The following ABCB1 variants were observed in gnomAD, a reference collection of about 807,000 sequenced individuals.
ABCB1 encodes the protein ATP binding cassette subfamily B member 1, also known as ATP-dependent translocase ABCB1.
In ABCB1, 69 loss-of-function variants were observed where a neutral mutation model predicts 142.0. The ratio of observed to expected loss-of-function variants is 0.49; its 90% CI spans 0.40 to 0.59. The LOEUF is 0.59. ABCB1 is among the 20% of genes least tolerant of loss of function. The probability of loss-of-function intolerance (pLI) is 0.00; values close to 1 mark genes in which losing one functional copy is unlikely to be tolerated. For synonymous variants in ABCB1, 532 were observed against 539.2 expected, an observed-to-expected ratio of 0.99 and a Z score of 0.18; for missense variants, 1,326 against 1,554.7, an observed-to-expected ratio of 0.85 and a Z score of 2.47.
chr7:87,669,606 G>T (rs1169266600), intron 1 of ABCB1, among the ~76,000 whole-genome samples: 1 of 152,180 alleles, frequency 6.6e-6, no homozygotes, highest in African/African-American at 2.4e-5. Context: ...GTATTAGCTG[G>T]TATTGGTCTT....
intron 1 of ABCB1, among the ~76,000 whole-genome samples, chr7:87,679,087 C>CTTT (rs35353390): frequency 1.6e-5 from 1 of 60,744 alleles, no homozygotes; most frequent in African/African-American, 7.2e-5. Context: ...AACACCCCAA[C>CTTT]TTTTTTTTTT....
chr7:87,605,531 C>G (rs1819620133), upstream of ABCB1, among the ~76,000 whole-genome samples: 1 of 152,034 alleles, frequency 6.6e-6, no homozygotes, highest in Non-Finnish European at 1.5e-5. Context: ...CATAATAGCA[C>G]AAGAAATGTT....
At position 87,544,882 on chromosome 7, in the gene ABCB1, G is replaced by A. The variant is rs35023033; in HGVS notation, c.2005C>T (p.Arg669Cys). 732 of 1,614,042 alleles carry A rather than the reference G, an allele frequency of 4.5e-4. 1 individual carries two copies. The African/African-American group carries it at 8.3e-3, about 18-fold the overall frequency. Residue 669 changes from arginine (R) to cysteine (C), a missense_variant, in exon 16 of 28, where the codon CGT becomes TGT. By Grantham distance (180) the Arg-to-Cys change is radical (BLOSUM62 -3). Transcript: ENST00000622132. Reference protein sequence around the residue: ...RSSLIRKRSTRRSVRGSQAQD... With the variant: ...RSSLIRKRSTCRSVRGSQAQD... ...GCTTGTGATCCACGGACACTCCTAC[G>A]AGTTGATCTTTTTCTTATTAGACTG... is the stretch of plus-strand genomic sequence containing the variant.
At chr7:87,606,700 T>C (rs985041816) in intron 1 of ABCB1, among the ~76,000 whole-genome samples, 2 of 152,126 alleles carry the variant, frequency 1.3e-5, no homozygotes, top group African/African-American at 4.8e-5. Flanking sequence ...ATTGGTGTAA[T>C]ATTAGAGATA....
intron 1 of ABCB1, among the ~76,000 whole-genome samples, chr7:87,634,627 CAAAAAAAAAAG>C (rs1445393682): frequency 8.4e-6 from 1 of 118,820 alleles, no homozygotes; most frequent in African/African-American, 3.2e-5. Context: ...ACTCTTGTCT[CAAAAAAAAAAG>C]AAAAAAAAAA....
rs28364271 is a variant in ABCB1, at chr7:87,504,601, T to C, written c.3637-152A>G. The C allele has an allele frequency of 6.1e-3, 6,186 of 1,013,344 alleles. 26 individuals carry two copies. Among genetic ancestry groups the C allele is most frequent in the Non-Finnish European group, 7.5e-3 (5,051 of 671,662 alleles). 62.8% of individuals were successfully genotyped at this position (1,013,344 alleles called of 1,614,324 possible). A position where few individuals can be genotyped will look rare whatever the true frequency, so the allele number is the denominator to read the frequency against. On this transcript the variant is annotated intron_variant, in intron 27 of 27. Coordinates refer to ENST00000622132, the MANE Select transcript of ABCB1 (RefSeq NM_001348946.2). Reference sequence around the variant, plus strand: ...AGGCGGGCAGATCACAAGGTCAGATTGAGACCATCCTGGCTAACACGGTGA... The same window carrying C: ...AGGCGGGCAGATCACAAGGTCAGATCGAGACCATCCTGGCTAACACGGTGA...
chr7:87,519,444 T>G lies in ABCB1; in HGVS notation c.2809A>C (p.Ile937Leu), dbSNP rs200811596. 1.2e-6 allele frequency: 2 copies of G among 1,614,076 alleles called. No individual in the cohort carries two copies. Among genetic ancestry groups the G allele is most frequent in the Admixed American group, 3.3e-5 (2 of 60,024 alleles). The change falls in exon 23 of 28, where the codon ATC (isoleucine) becomes CTC (leucine). Residue 937 changes from isoleucine (I) to leucine (L), a missense_variant. Ile to Leu is a conservative substitution (Grantham distance 5). Transcript: ENST00000622132. The part of the protein sequence containing the change: ...PYRNSLRKAH[I>L]FGITFSFTQA... ...GTGAAGGAAAATGTAATTCCAAAGA[T>G]GTGTGCTTTCCTCAAAGAGTTTCTG...
chr7:87,532,117 A>G (rs1816082954), intron 20 of ABCB1, among the ~76,000 whole-genome samples: 1 of 152,186 alleles, frequency 6.6e-6, no homozygotes, highest in Admixed American at 6.6e-5. Context: ...CCACCACTGT[A>G]TAATGTCCAA....
intron 1 of ABCB1, among the ~76,000 whole-genome samples, chr7:87,646,377 G>A (rs975591368): frequency 1.3e-5 from 2 of 152,120 alleles, no homozygotes; most frequent in Non-Finnish European, 2.9e-5. Flanking sequence ...TTATCAGACT[G>A]TTAAAGGTGG....
At chr7:87,647,421 G>C (rs140693100) in intron 1 of ABCB1, among the ~76,000 whole-genome samples, 1 of 152,204 alleles carries the variant, frequency 6.6e-6, no homozygotes, top group East Asian at 1.9e-4. Flanking sequence ...GAATGCAAAA[G>C]CAGTAATATA....
In ABCB1 at chr7:87,509,290, G is replaced by C. The variant is rs200703943; in HGVS notation, c.3474C>G (p.Ile1158Met). Residue 1158 changes from isoleucine (I) to methionine (M), a missense_variant, in exon 26 of 28, where the codon ATC (isoleucine) becomes ATG (methionine). Physicochemically the swap from Ile to Met is conservative, Grantham distance 10. Transcript: ENST00000622132. ...AAKEANIHAF[I>M]ESLPNKYSTK... ...AGAGACTTACATTAGGCAGTGACTCGATGAAGGCATGTATGTTGGCCTCCT... is the reference window on the plus strand; with the variant it reads ...AGAGACTTACATTAGGCAGTGACTCCATGAAGGCATGTATGTTGGCCTCCT... The C allele has an allele frequency of 6.2e-7, 1 of 1,614,114 alleles. No homozygotes were observed. The highest frequency in any genetic ancestry group is 8.5e-7 in the Non-Finnish European group (1 of 1,180,022).
intron 25 of ABCB1, among the ~76,000 whole-genome samples, chr7:87,513,193 AG>A: frequency 6.6e-6 from 1 of 152,226 alleles, no homozygotes; most frequent in African/African-American, 2.4e-5. Flanking sequence ...TCTTGGTTAC[AG>A]AATCACAGCT....
chr7:87,684,305 C>CT (rs1042677030), intron 1 of ABCB1, among the ~76,000 whole-genome samples: 1 of 151,956 alleles, frequency 6.6e-6, no homozygotes, highest in Non-Finnish European at 1.5e-5. Context: ...TTTTAGAAGG[C>CT]TTTTTTTGTA....
intron 2 of ABCB1, among the ~76,000 whole-genome samples, chr7:87,599,565 A>G (rs1190501182): frequency 6.6e-6 from 1 of 152,200 alleles, no homozygotes; most frequent in African/African-American, 2.4e-5. Context: ...CTGGGGCAGG[A>G]AAGCTGAGAA....
At chr7:87,516,776 G>A in intron 23 of ABCB1, 111 bp from the exon 24 acceptor site, 11 of 1,167,384 alleles carry the variant, frequency 9.4e-6, no homozygotes, top group Non-Finnish European at 1.3e-5. Flanking sequence ...TTCCTGTGTT[G>A]CCCAGGCTGG....
upstream of ABCB1, among the ~76,000 whole-genome samples, chr7:87,604,298 A>G (rs145483298): frequency 6.6e-6 from 1 of 152,238 alleles, no homozygotes; most frequent in Non-Finnish European, 1.5e-5. Context: ...TTGAAGGTTC[A>G]ACATGCTTAA....
intron 21 of ABCB1, among the ~76,000 whole-genome samples, chr7:87,524,060 T>G (rs965098754): frequency 6.6e-6 from 1 of 152,166 alleles, no homozygotes; most frequent in African/African-American, 2.4e-5. Context: ...CCACTTATTC[T>G]TCACTGAATC....
At chr7:87,645,084 T>C (rs531377210) in intron 1 of ABCB1, among the ~76,000 whole-genome samples, 1 of 149,044 alleles carries the variant, frequency 6.7e-6, no homozygotes, top group South Asian at 2.1e-4. Context: ...TTTCTTTCTT[T>C]TTTTTTTTTT....
chr7:87,623,869 T>A (rs1245678949), intron 1 of ABCB1, among the ~76,000 whole-genome samples: 1 of 152,154 alleles, frequency 6.6e-6, no homozygotes, highest in Non-Finnish European at 1.5e-5. Context: ...AAAACACCAA[T>A]GTCCCTCTGT....
Sources: gnomAD v4.1 joint callset for allele counts (sites outside exome capture counted in the v4.1 genomes callset) on GRCh38, gnomAD v4.1.1 for gene constraint, MANE v1.5 for transcripts, NCBI Gene and HGNC (gene_info 2026-07-23, HGNC 2026-07-21) for gene names.